Variants in ARAP2 observed in about 807,000 individuals in gnomAD.
The protein encoded by ARAP2 is ArfGAP with RhoGAP domain, ankyrin repeat and PH domain 2.
In ARAP2, 148 loss-of-function variants were observed where a neutral mutation model predicts 194.5. The observed-to-expected ratio is 0.76, with a 90% CI of 0.67 to 0.87. The LOEUF is 0.87. Ranked by LOEUF, ARAP2 falls within the 40% of genes least tolerant of loss-of-function variation. The probability of loss-of-function intolerance (pLI) is 0.00; values close to 1 mark genes in which losing one functional copy is unlikely to be tolerated. For missense variants in ARAP2, 2,128 were observed against 1,989.7 expected, an observed-to-expected ratio of 1.07 and a Z score of -1.32; for synonymous variants, 695 against 683.5, an observed-to-expected ratio of 1.02 and a Z score of -0.26.
chr4:36,107,736 A>G (rs1481582472), intron 26 of ARAP2, 43 bp from the exon 27 acceptor site: 5 of 1,535,388 alleles, frequency 3.3e-6, no homozygotes, highest in Non-Finnish European at 3.5e-6. Flanking sequence ...ATATATGAGG[A>G]TAACAATTTT....
intron 9 of ARAP2, among the ~76,000 whole-genome samples, chr4:36,177,416 C>G (rs1738202080): frequency 6.6e-6 from 1 of 152,012 alleles, no homozygotes; most frequent in Non-Finnish European, 1.5e-5. Flanking sequence ...AATATGTTAC[C>G]TGTGCTTACC....
intron 9 of ARAP2, among the ~76,000 whole-genome samples, chr4:36,171,033 A>G (rs969050061): frequency 2.6e-5 from 4 of 152,144 alleles, no homozygotes; most frequent in Non-Finnish European, 5.9e-5. Flanking sequence ...AGACTGTGAC[A>G]TTTGACTGGC....
At chr4:36,081,400 C>T (rs1729520609) in intron 30 of ARAP2, among the ~76,000 whole-genome samples, 1 of 152,084 alleles carries the variant, frequency 6.6e-6, no homozygotes, top group South Asian at 2.1e-4. Flanking sequence ...CCATGTACAT[C>T]ACACATGCAG....
At chr4:36,171,844 G>A (rs2109827910) in intron 9 of ARAP2, among the ~76,000 whole-genome samples, 1 of 151,884 alleles carries the variant, frequency 6.6e-6, no homozygotes, top group South Asian at 2.1e-4. Flanking sequence ...AAAATAACTA[G>A]CAGGCATAAT....
chr4:36,206,275 G>A (rs769473099), intron 6 of ARAP2, among the ~76,000 whole-genome samples: 1 of 152,184 alleles, frequency 6.6e-6, no homozygotes, highest in Non-Finnish European at 1.5e-5. Context: ...ACTGCCAGTC[G>A]TTGTCTGAGC....
chr4:36,231,458 T>C (rs1751451789), intron 1 of ARAP2, among the ~76,000 whole-genome samples: 1 of 152,224 alleles, frequency 6.6e-6, no homozygotes, highest in African/African-American at 2.4e-5. Flanking sequence ...GCAACAAGTG[T>C]ATTGTCTATT....
intron 6 of ARAP2, among the ~76,000 whole-genome samples, chr4:36,017,563 G>GAAAAAAAAAAAAAAAAAA (rs1560270898): frequency 1.5e-4 from 1 of 6,518 alleles, no homozygotes; most frequent in African/African-American, 1.5e-3. Flanking sequence ...TAAGAAAGTG[G>GAAAAAAAAAAAAAAAAAA]TAAAAAAAAA....
chr4:36,130,182 G>A (rs1053092726), intron 20 of ARAP2, among the ~76,000 whole-genome samples: 1 of 151,856 alleles, frequency 6.6e-6, no homozygotes, highest in African/African-American at 2.4e-5. Flanking sequence ...ATATTCTTAT[G>A]CAGCCCTCTG....
intron 5 of ARAP2, among the ~76,000 whole-genome samples, chr4:36,024,578 T>A (rs954306977): frequency 1.3e-5 from 2 of 152,128 alleles, no homozygotes; most frequent in Admixed American, 6.6e-5. Context: ...AAAACTTGAA[T>A]CCAGTTGTAC....
At chr4:36,156,856 A>G (rs535395638) in intron 15 of ARAP2, among the ~76,000 whole-genome samples, 11 of 152,346 alleles carry the variant, frequency 7.2e-5, no homozygotes, top group African/African-American at 2.6e-4. Context: ...CAATGTTTTA[A>G]AATGGAAAAA....
At chr4:36,220,824 C>T (rs1748981408) in intron 2 of ARAP2, among the ~76,000 whole-genome samples, 1 of 152,024 alleles carries the variant, frequency 6.6e-6, no homozygotes, top group African/African-American at 2.4e-5. Context: ...AGCATCATTA[C>T]AAGAGAGTAG....
In ARAP2 at chr4:36,083,387, T is replaced by G. The variant is rs1226479605; in HGVS notation, c.4489A>C (p.Lys1497Gln). The G allele has an allele frequency of 5.0e-6, 8 of 1,608,442 alleles. No homozygotes were observed. Among genetic ancestry groups the G allele is most frequent in the Non-Finnish European group, 6.8e-6 (8 of 1,177,602 alleles). ...CTTTACCTTGTTGGAGGCTTCATTTTCTTTTTCACTCCACGATAAAACTTC... is the reference window on the plus strand; with the variant it reads ...CTTTACCTTGTTGGAGGCTTCATTTGCTTTTTCACTCCACGATAAAACTTC... ...SMKFYRGVKK[K>Q]MKPPTSWGLT... The change falls in exon 29 of 33, where the codon AAA becomes CAA. Residue 1497 changes from lysine to glutamine, a missense_variant. By Grantham distance (53) the Lys-to-Gln change is moderately conservative. Transcript: ENST00000303965.
At chr4:36,155,007 T>C (rs1241792502) in intron 15 of ARAP2, among the ~76,000 whole-genome samples, 1 of 152,204 alleles carries the variant, frequency 6.6e-6, no homozygotes, top group African/African-American at 2.4e-5. Flanking sequence ...TATTTGTAAA[T>C]AGGGGCTTTC....
chr4:36,161,367 G>A (rs41282369), intron 12 of ARAP2, 98 bp downstream of exon 12: 2 of 905,354 alleles, frequency 2.2e-6, no homozygotes, highest in Middle Eastern at 2.2e-4. Flanking sequence ...AAACAGCCCC[G>A]AGAAAAATTC....
intron 19 of ARAP2, among the ~76,000 whole-genome samples, chr4:36,145,867 G>C (rs544585483): frequency 3.6e-4 from 55 of 151,766 alleles, no homozygotes; most frequent in African/African-American, 1.3e-3. Flanking sequence ...CAGTTCCTTG[G>C]CAAAATAGCG....
At chr4:36,121,441 A>T (rs1192292893) in intron 22 of ARAP2, 115 bp from the exon 23 acceptor site, 1 of 948,824 alleles carries the variant, frequency 1.1e-6, no homozygotes, top group Non-Finnish European at 1.5e-6. Flanking sequence ...CTGACATAAA[A>T]GATACAGTGG....
At chr4:36,076,380 C>T (rs1728255509) in intron 31 of ARAP2, among the ~76,000 whole-genome samples, 1 of 152,064 alleles carries the variant, frequency 6.6e-6, no homozygotes, top group Admixed American at 6.6e-5. Flanking sequence ...AGTACACACT[C>T]CCCCATCTTA....
chr4:36,212,552 G>C, intron 4 of ARAP2, 65 bp from the exon 5 acceptor site: 1 of 1,101,272 alleles, frequency 9.1e-7, no homozygotes. Context: ...GGATTTGTTT[G>C]TATGTGTAGC....
chr4:36,050,143 C>G (rs1722429850), intron 3 of ARAP2, among the ~76,000 whole-genome samples: 1 of 152,018 alleles, frequency 6.6e-6, no homozygotes, highest in Admixed American at 6.5e-5. Context: ...AAGACTTTAC[C>G]ATATTTTAGA....
Sources: gnomAD v4.1 joint callset for allele counts (sites outside exome capture counted in the v4.1 genomes callset) on GRCh38, gnomAD v4.1.1 for gene constraint, MANE v1.5 for transcripts, NCBI Gene and HGNC (gene_info 2026-07-23, HGNC 2026-07-21) for gene names.